The following IBTK variants were observed in gnomAD, a reference collection of about 807,000 sequenced individuals.
IBTK encodes the protein inhibitor of Bruton tyrosine kinase.
A neutral mutation model predicts 154.9 loss-of-function variants in IBTK; 83 were observed. That is an observed-to-expected ratio of 0.54 (90% CI 0.45 to 0.64). The LOEUF (loss-of-function observed/expected upper bound fraction) is 0.64. IBTK is among the 30% of genes least tolerant of loss of function. IBTK has a pLI of 0.00. For synonymous variants in IBTK, 515 were observed against 536.1 expected (o/e 0.96, Z 0.54); for missense variants, 1,332 against 1,584.6 (o/e 0.84, Z 2.71).
In IBTK at chr6:82,173,439, C is replaced by A; in HGVS notation, c.3726-1G>T. 1 of 1,612,482 alleles carries A rather than the reference C, an allele frequency of 6.2e-7. No individual in the cohort carries two copies. The highest frequency in any genetic ancestry group is 1.1e-5 in the South Asian group (1 of 90,942). ...TCCTGGGGTACCATGGGTAGAGCATCTGCAAAACAAATGCCAAAATTAAAG... is the reference window on the plus strand; with the variant it reads ...TCCTGGGGTACCATGGGTAGAGCATATGCAAAACAAATGCCAAAATTAAAG... On this transcript the variant is annotated splice_acceptor_variant, in intron 26 of 28. Transcript: ENST00000306270. LOFTEE classifies it high-confidence loss of function.
At chr6:82,207,670 C>T (rs1769463532) in intron 16 of IBTK, among the ~76,000 whole-genome samples, 1 of 152,256 alleles carries the variant, frequency 6.6e-6, no homozygotes, top group African/African-American at 2.4e-5. Context: ...ACTCACATTT[C>T]CCAATTTCAC....
At chr6:82,172,311 A>G (rs1158686729) in intron 28 of IBTK, 69 bp downstream of exon 28, 1 of 1,494,444 alleles carries the variant, frequency 6.7e-7, no homozygotes, top group African/African-American at 1.4e-5. Context: ...AACAAACACG[A>G]TTTTCTTAAA....
chr6:82,235,081 G>C (rs1243290541), intron 2 of IBTK, among the ~76,000 whole-genome samples: 2 of 151,620 alleles, frequency 1.3e-5, no homozygotes, highest in East Asian at 3.9e-4. Context: ...GGCTGGCCTC[G>C]GACTCCTGAC....
chr6:82,207,064 G>A (rs9350945), intron 16 of IBTK, among the ~76,000 whole-genome samples: 34,928 of 151,992 alleles, frequency 0.23, 4,026 homozygotes, highest in South Asian at 0.25. Flanking sequence ...ATTCAACAGA[G>A]TACTAGAGAT....
chr6:82,198,512 C>A (rs1000834640), intron 21 of IBTK, among the ~76,000 whole-genome samples: 1 of 151,850 alleles, frequency 6.6e-6, no homozygotes, highest in Non-Finnish European at 1.5e-5. Flanking sequence ...TTCCTTTGAG[C>A]TTTAGTGAAC....
At chr6:82,210,542 T>C (rs1453648603) in intron 16 of IBTK, 7 of 161,250 alleles carry the variant, frequency 4.3e-5, no homozygotes, top group Non-Finnish European at 9.4e-5. Context: ...TAAGCCTTTA[T>C]TGGCCAGGCA....
At chr6:82,211,656 G>C in intron 13 of IBTK, 84 bp from the exon 14 acceptor site, 3 of 1,054,474 alleles carry the variant, frequency 2.8e-6, no homozygotes, top group Non-Finnish European at 4.3e-6. Context: ...TTAACTTTCA[G>C]TTTTCTCTTA....
At chr6:82,216,969 T>C (rs1177414923) in intron 10 of IBTK, among the ~76,000 whole-genome samples, 1 of 151,956 alleles carries the variant, frequency 6.6e-6, no homozygotes. Context: ...AAAGAATAGA[T>C]AAAAAGAGGC....
chr6:82,185,202 A>C (rs944403705), intron 25 of IBTK, among the ~76,000 whole-genome samples: 3 of 151,446 alleles, frequency 2.0e-5, no homozygotes, highest in Admixed American at 6.6e-5. Flanking sequence ...AAAAAAAAAA[A>C]AAAACAGATA....
intron 4 of IBTK, among the ~76,000 whole-genome samples, chr6:82,228,795 A>G (rs1770391409): frequency 6.6e-6 from 1 of 151,436 alleles, no homozygotes; most frequent in Admixed American, 6.6e-5. Context: ...CTAATTTTTT[A>G]TATTTTTGGT....
chr6:82,204,452 T>C (rs567223756), intron 17 of IBTK, among the ~76,000 whole-genome samples: 1 of 152,198 alleles, frequency 6.6e-6, no homozygotes, highest in East Asian at 1.9e-4. Context: ...TTTGTTCAGA[T>C]ATATAATGGG....
chr6:82,187,302 TCTC>T (rs1194846076), intron 25 of IBTK, among the ~76,000 whole-genome samples: 7 of 152,162 alleles, frequency 4.6e-5, no homozygotes, highest in Non-Finnish European at 1.0e-4. Flanking sequence ...TTTCTAGAAT[TCTC>T]CTTAATATGC....
intron 1 of IBTK, among the ~76,000 whole-genome samples, chr6:82,245,411 A>G (rs1771106165): frequency 6.6e-6 from 1 of 152,030 alleles, no homozygotes; most frequent in Non-Finnish European, 1.5e-5. Context: ...AAATACAAAA[A>G]TTAGGCGTAG....
intron 1 of IBTK, among the ~76,000 whole-genome samples, chr6:82,242,845 G>A (rs1373747858): frequency 1.3e-5 from 2 of 151,978 alleles, no homozygotes; most frequent in South Asian, 2.1e-4. Context: ...GCTGAGGCAG[G>A]AGAAATGCTT....
At chr6:82,200,733 T>G (rs773306138) in intron 19 of IBTK, 25 bp from the exon 20 acceptor site, 2 of 1,125,612 alleles carry the variant, frequency 1.8e-6, no homozygotes, top group South Asian at 2.9e-5. Context: ...ATATCACTTT[T>G]CAAATACAAA....
chr6:82,216,058 TAA>T lies in IBTK; in HGVS notation c.1601+16_1601+17del. 6.4e-7 allele frequency: 1 copy of T among 1,559,794 alleles called. No homozygotes were observed. Among genetic ancestry groups the T allele is most frequent in the Non-Finnish European group, 8.7e-7 (1 of 1,153,516 alleles). On this transcript the variant is annotated intron_variant, in intron 11 of 28. Transcript: ENST00000306270. ...ATTGTTCCTTCTAAAAAATGAAATT[TAA>T]TATATACAAGTATACCTTGTTTTAG...
At chr6:82,223,368 T>G (rs1770168056) in intron 8 of IBTK, 72 bp downstream of exon 8, 1 of 1,237,442 alleles carries the variant, frequency 8.1e-7, no homozygotes, top group South Asian at 1.7e-5. Context: ...AGCATAAAGC[T>G]AACACTCAGA....
intron 5 of IBTK, 46 bp from the exon 6 acceptor site, chr6:82,225,693 C>A: frequency 1.4e-6 from 2 of 1,381,828 alleles, no homozygotes; most frequent in South Asian, 1.3e-5. Flanking sequence ...ACCATTTATA[C>A]AGATATGCAA....
At chr6:82,185,856 T>C (rs1258864949) in intron 25 of IBTK, among the ~76,000 whole-genome samples, 1 of 152,174 alleles carries the variant, frequency 6.6e-6, no homozygotes, top group East Asian at 1.9e-4. Flanking sequence ...TATACTGAAG[T>C]GCTTTGCTTT....
Sources: gnomAD v4.1 joint callset for allele counts (sites outside exome capture counted in the v4.1 genomes callset) on GRCh38, gnomAD v4.1.1 for gene constraint, MANE v1.5 for transcripts, NCBI Gene and HGNC (gene_info 2026-07-23, HGNC 2026-07-21) for gene names.